SLC71A2: variants seen among roughly 807,000 people sequenced by gnomAD.
SLC71A2 encodes the protein solute carrier family 71 member 2, also known as hippocampus abundant transcript-like 1.
the SLC71A2 span, among the ~76,000 whole-genome samples, chr9:94,399,231 G>A: frequency 2.6e-5 from 4 of 152,110 alleles, no homozygotes; most frequent in Non-Finnish European, 4.4e-5. Flanking sequence ...GGGATTACAA[G>A]ATACTCCACG....
At chr9:94,442,805 G>A in the SLC71A2 span, among the ~76,000 whole-genome samples, 2 of 150,954 alleles carry the variant, frequency 1.3e-5, no homozygotes, top group Non-Finnish European at 2.9e-5. Context: ...AGCCAAGATC[G>A]CGCCACTACA....
At chr9:94,451,249 T>C in the SLC71A2 span, among the ~76,000 whole-genome samples, 6 of 152,192 alleles carry the variant, frequency 3.9e-5, no homozygotes, top group Non-Finnish European at 5.9e-5. Flanking sequence ...ATAAAACATT[T>C]CACAATTTAA....
At chr9:94,412,187 C>T in the SLC71A2 span, among the ~76,000 whole-genome samples, 1 of 152,196 alleles carries the variant, frequency 6.6e-6, no homozygotes, top group Non-Finnish European at 1.5e-5. Flanking sequence ...AGTGAGGCTA[C>T]TAAGGGACAT....
At chr9:94,400,480 C>A in the SLC71A2 span, among the ~76,000 whole-genome samples, 7 of 147,686 alleles carry the variant, frequency 4.7e-5, no homozygotes, top group South Asian at 1.1e-3. Flanking sequence ...TTCATTTATG[C>A]GCAACTTTTT....
At chr9:94,384,363 GTCTC>G in the SLC71A2 span, among the ~76,000 whole-genome samples, 3 of 146,824 alleles carry the variant, frequency 2.0e-5, no homozygotes, top group Admixed American at 1.4e-4. Flanking sequence ...TGGACACATG[GTCTC>G]TCTCTCTGTT....
chr9:94,429,751 C>G, the SLC71A2 span, among the ~76,000 whole-genome samples: 2 of 152,002 alleles, frequency 1.3e-5, no homozygotes, highest in Non-Finnish European at 1.5e-5. Context: ...CCTGTTTGCA[C>G]CGAGAATACT....
chr9:94,452,704 CATAT>C, the SLC71A2 span, among the ~76,000 whole-genome samples: 4 of 50,974 alleles, frequency 7.8e-5, no homozygotes, highest in African/African-American at 1.6e-4. Flanking sequence ...TTCATATATT[CATAT>C]ATATTCATAT....
chr9:94,384,325 G>C, the SLC71A2 span, among the ~76,000 whole-genome samples: 1 of 146,268 alleles, frequency 6.8e-6, no homozygotes, highest in Non-Finnish European at 1.5e-5. Context: ...TGTGCCGTGT[G>C]TCAAATTTTC....
the SLC71A2 span, among the ~76,000 whole-genome samples, chr9:94,396,325 A>G: frequency 6.6e-6 from 1 of 152,064 alleles, no homozygotes; most frequent in African/African-American, 2.4e-5. Flanking sequence ...AGACCAGCCT[A>G]GGCAACATAC....
the SLC71A2 span, among the ~76,000 whole-genome samples, chr9:94,437,515 T>G: frequency 6.6e-6 from 1 of 152,224 alleles, no homozygotes; most frequent in Non-Finnish European, 1.5e-5. Flanking sequence ...ACTGTAGTTG[T>G]TGTTCAGGTT....
At chr9:94,435,573 T>A in the SLC71A2 span, among the ~76,000 whole-genome samples, 1 of 151,978 alleles carries the variant, frequency 6.6e-6, no homozygotes, top group Admixed American at 6.6e-5. Context: ...TTCTTTGCCA[T>A]GCTATCTTAC....
At chr9:94,446,156 C>T in the SLC71A2 span, among the ~76,000 whole-genome samples, 55 of 152,346 alleles carry the variant, frequency 3.6e-4, no homozygotes, top group African/African-American at 1.3e-3. Flanking sequence ...AAAGTCTCAA[C>T]AACATTAGCT....
chr9:94,394,155 A>G, the SLC71A2 span, among the ~76,000 whole-genome samples: 1 of 133,566 alleles, frequency 7.5e-6, no homozygotes, highest in South Asian at 2.6e-4. Context: ...AAAAGTTGTG[A>G]AAAGCAGTTA....
chr9:94,387,181 A>G, the SLC71A2 span, among the ~76,000 whole-genome samples: 1 of 152,112 alleles, frequency 6.6e-6, no homozygotes, highest in African/African-American at 2.4e-5. Context: ...CTTCCTAGGA[A>G]AGGCACTATG....
the SLC71A2 span, among the ~76,000 whole-genome samples, chr9:94,384,204 T>A: frequency 6.6e-6 from 1 of 152,234 alleles, no homozygotes; most frequent in Non-Finnish European, 1.5e-5. Flanking sequence ...TGTTTCTATG[T>A]GTTTGACTTA....
the SLC71A2 span, among the ~76,000 whole-genome samples, chr9:94,378,126 CAA>C: frequency 2.8e-5 from 4 of 141,386 alleles, no homozygotes; most frequent in Non-Finnish European, 6.1e-5. Flanking sequence ...ACTCCATTTC[CAA>C]AAAAAAAAAA....
chr9:94,397,394 C>G, the SLC71A2 span, among the ~76,000 whole-genome samples: 5 of 151,654 alleles, frequency 3.3e-5, no homozygotes, highest in Non-Finnish European at 7.4e-5. Flanking sequence ...ACCAGGAGTT[C>G]AAGACCAGCT....
chr9:94,429,768 C>T, the SLC71A2 span, among the ~76,000 whole-genome samples: 10 of 152,038 alleles, frequency 6.6e-5, no homozygotes, highest in Non-Finnish European at 1.0e-4. Context: ...TACTCGCCAG[C>T]GGTGCTGCAT....
At chr9:94,403,938 G>A in the SLC71A2 span, among the ~76,000 whole-genome samples, 2 of 152,156 alleles carry the variant, frequency 1.3e-5, no homozygotes, top group Admixed American at 6.5e-5. Context: ...GCGAGGTGGC[G>A]CCTTTTGGGA....
Sources: allele counts gnomAD v4.1 joint callset (sites outside exome capture counted in the v4.1 genomes callset), GRCh38; gene constraint gnomAD v4.1.1; transcripts MANE v1.5; gene names NCBI Gene and HGNC (gene_info 2026-07-23, HGNC 2026-07-21).